The following ZFP37 variants were observed in gnomAD, a reference collection of about 807,000 sequenced individuals.
ZFP37 encodes zinc finger protein 37 homolog.
ZFP37 carries 38 observed loss-of-function variants against 52.1 expected under a neutral mutation model. The ratio of observed to expected loss-of-function variants is 0.73; its 90% CI spans 0.56 to 0.96. The LOEUF is 0.96. Among genes scored for constraint, ZFP37 ranks in the 40% least tolerant of loss-of-function variants. ZFP37 has a pLI of 0.00. For synonymous variants in ZFP37, 253 were observed against 259.5 expected (o/e 0.98, Z 0.24); for missense variants, 695 against 741.4 (o/e 0.94, Z 0.73).
chr9:113,046,305 G>C (rs1828954491), intron 3 of ZFP37, among the ~76,000 whole-genome samples: 1 of 151,090 alleles, frequency 6.6e-6, no homozygotes, highest in African/African-American at 2.4e-5. Flanking sequence ...AGGGAGTCTA[G>C]AGAAGTGCAG....
intron 2 of ZFP37, 28 bp from the exon 3 acceptor site, chr9:113,049,524 G>A (rs1829019315): frequency 6.2e-7 from 1 of 1,601,418 alleles, no homozygotes; most frequent in Non-Finnish European, 8.5e-7. Flanking sequence ...CAGAAACTGA[G>A]TGTTAGAACA....
Position 113,041,410 on chromosome 9 carries a change from C to G in ZFP37, c.*1315G>C, listed in dbSNP as rs534276478. 2 of 152,244 alleles carry G rather than the reference C, an allele frequency of 1.3e-5. No homozygotes were observed. Among genetic ancestry groups the G allele is most frequent in the East Asian group, 3.9e-4 (2 of 5,186 alleles). 9.4% of individuals were successfully genotyped at this position (152,244 alleles called of 1,614,324 possible). A position where few individuals can be genotyped will look rare whatever the true frequency, so the allele number is the denominator to read the frequency against. ...GTACAGTGATCCAGTAAATAATGCC[C>G]AATATTGAGCGAGAACAGGGAGGGG... On this transcript the variant is annotated 3_prime_UTR_variant, in exon 4 of 4. Coordinates refer to ENST00000374227, the MANE Select transcript of ZFP37 (RefSeq NM_003408.3).
rs1414705430 is a variant in ZFP37 at position 113,056,630 on chromosome 9, C to T, written c.59G>A (p.Arg20Lys). 6 of 1,613,846 alleles carry T rather than the reference C, an allele frequency of 3.7e-6. No individual in the cohort carries two copies. The highest frequency in any genetic ancestry group is 2.2e-5 in the South Asian group (2 of 91,070). The change falls in exon 1 of 4, where the codon AGA becomes AAA. Residue 20 changes from arginine (R) to lysine (K), a missense_variant. This residue lies in a region of ZFP37 where 369 missense variants were observed against 340.9 expected (regional missense o/e 1.08). Coordinates refer to ENST00000374227, the MANE Select transcript of ZFP37 (RefSeq NM_003408.3). Reference protein sequence around the residue: ...LTKPETVDRRRSAETTKEAGR... With the variant: ...LTKPETVDRRKSAETTKEAGR... ...GGCCTCTTTGGTCGTTTCCGCACTT[C>T]TCCTCCGGTCCACGGTCTCTGGCTT...
At chr9:113,053,345 T>C (rs1829090561) in intron 1 of ZFP37, among the ~76,000 whole-genome samples, 1 of 152,226 alleles carries the variant, frequency 6.6e-6, no homozygotes, top group Non-Finnish European at 1.5e-5. Context: ...TTAACTTCCT[T>C]GATTCTCTTC....
Position 113,042,794 on chromosome 9 carries a change from T to C in ZFP37, c.1824A>G (p.Lys608=). 6.2e-7 allele frequency: 1 copy of C among 1,610,388 alleles called. No homozygotes were observed. Among genetic ancestry groups the C allele is most frequent in the Non-Finnish European group, 8.5e-7 (1 of 1,178,324 alleles). The part of the protein sequence containing the change: ...EKPYECNECG[K]TFKQNASLTK... ...TTAGGGATGCATTTTGTTTGAAAGTTTTCCCACATTCATTACATTCATAGG... is the reference window on the plus strand; with the variant it reads ...TTAGGGATGCATTTTGTTTGAAAGTCTTCCCACATTCATTACATTCATAGG... Residue 608 remains lysine, a synonymous_variant, in exon 4 of 4, where the codon AAA becomes AAG. Coordinates refer to ENST00000374227, the MANE Select transcript of ZFP37 (RefSeq NM_003408.3).
intron 3 of ZFP37, among the ~76,000 whole-genome samples, chr9:113,046,212 CTATATATAGACATATATCTATA>C (rs1375219749): frequency 1.7e-5 from 1 of 59,068 alleles, no homozygotes; most frequent in Non-Finnish European, 3.2e-5. Flanking sequence ...AGATATATAT[CTATATATAGACATATATCTATA>C]TATATATAGA....
chr9:113,043,174 T>C lies in ZFP37; in HGVS notation c.1444A>G (p.Thr482Ala), dbSNP rs1828882842. 3 of 1,613,836 alleles carry C rather than the reference T, an allele frequency of 1.9e-6. No homozygotes were observed. The highest frequency in any genetic ancestry group is 2.5e-6 in the Non-Finnish European group (3 of 1,179,954). ...TTATAAGGTTTCTCCTTAGTATGAGTTCTTTGATGTATAATGAGGTGTGAC... is the reference window on the plus strand; with the variant it reads ...TTATAAGGTTTCTCCTTAGTATGAGCTCTTTGATGTATAATGAGGTGTGAC... ...KKSHLIIHQR[T>A]HTKEKPYKCN... The change falls in exon 4 of 4, where the codon ACT (threonine) becomes GCT (alanine). Residue 482 changes from threonine to alanine, a missense_variant. Transcript: ENST00000374227.
In ZFP37 at chr9:113,038,834, C is replaced by T. The variant is rs1383266881; in HGVS notation, c.*3891G>A. 1 of 151,972 alleles carries T rather than the reference C, an allele frequency of 6.6e-6. No homozygotes were observed. Among genetic ancestry groups the T allele is most frequent in the Non-Finnish European group, 1.5e-5 (1 of 67,964 alleles). 9.4% of individuals were successfully genotyped at this position (151,972 alleles called of 1,614,324 possible). A position where few individuals can be genotyped will look rare whatever the true frequency, so the allele number is the denominator to read the frequency against. On this transcript the variant is annotated 3_prime_UTR_variant, in exon 4 of 4. Coordinates refer to ENST00000374227, the MANE Select transcript of ZFP37 (RefSeq NM_003408.3). ...TTCAATTTCCTCAAGCCACCTGAAACTAGGTGTGGTCATGTGACTCATTTC... is the reference window on the plus strand; with the variant it reads ...TTCAATTTCCTCAAGCCACCTGAAATTAGGTGTGGTCATGTGACTCATTTC...
rs772365522 is a variant in ZFP37 at position 113,043,807 on chromosome 9, G to A, written c.811C>T (p.His271Tyr). 6.2e-7 allele frequency: 1 copy of A among 1,613,948 alleles called. No individual in the cohort carries two copies. The highest frequency in any genetic ancestry group is 8.5e-7 in the Non-Finnish European group (1 of 1,179,948). Reference protein sequence around the residue: ...KQDKIQTGEKHEKSPSLSSST... With the variant: ...KQDKIQTGEKYEKSPSLSSST... ...GAGCTAAGGCTGGGTGATTTCTCAT[G>A]TTTCTCTCCAGTTTGAATTTTGTCC... Residue 271 changes from histidine (H) to tyrosine (Y), a missense_variant, in exon 4 of 4, where the codon CAT becomes TAT. His to Tyr is a moderately conservative substitution (Grantham distance 83, BLOSUM62 2). Coordinates refer to ENST00000374227, the MANE Select transcript of ZFP37 (RefSeq NM_003408.3).
rs1828904340 is a variant in ZFP37 at position 113,043,903 on chromosome 9, A to G, written c.715T>C (p.Ser239Pro). 6.2e-7 allele frequency: 1 copy of G among 1,613,932 alleles called. No individual in the cohort carries two copies. ...KHEKLSSHSSSDKCNKTGKKH... is the reference protein window; with the variant it reads ...KHEKLSSHSSPDKCNKTGKKH... ...TTGCCAGTTTTGTTACACTTATCAGATGAGCTATGGCTGGATAATTTCTCA... is the reference window on the plus strand; with the variant it reads ...TTGCCAGTTTTGTTACACTTATCAGGTGAGCTATGGCTGGATAATTTCTCA... The change falls in exon 4 of 4, where the codon TCT becomes CCT. Residue 239 changes from serine (S) to proline (P), a missense_variant. By Grantham distance (74) the Ser-to-Pro change is moderately conservative (BLOSUM62 -1). Around this residue, in one of 2 missense-constraint regions of ZFP37, gnomAD observed 369 missense variants for 340.9 expected, o/e 1.08. Transcript: ENST00000374227.
At position 113,043,517 on chromosome 9, in the gene ZFP37, A is replaced by G. The variant is rs757169471; in HGVS notation, c.1101T>C (p.His367=). ...AHGHKHALTD[H]LRIHTGEKPY... ...GCTTTTCTCCAGTATGAATTCTTAG[A>G]TGGTCAGTGAGTGCATGTTTATGAC... Residue 367 remains histidine, a synonymous_variant, in exon 4 of 4, where the codon CAT becomes CAC. Transcript: ENST00000374227. The G allele has an allele frequency of 1.9e-6, 3 of 1,614,070 alleles. No individual in the cohort carries two copies. Among genetic ancestry groups the G allele is most frequent in the African/African-American group, 1.3e-5 (1 of 75,050 alleles).
In ZFP37 at chr9:113,043,409, C is replaced by T. The variant is rs770077416; in HGVS notation, c.1209G>A (p.Lys403=). The T allele has an allele frequency of 1.9e-6, 3 of 1,614,084 alleles. No individual in the cohort carries two copies. The highest frequency in any genetic ancestry group is 1.1e-5 in the South Asian group (1 of 91,086). ...IQHVRSHTGE[K]PYECKECGKS... is the part of the protein sequence containing the mutation. Reference sequence around the variant, plus strand: ...TCCCACATTCCTTACATTCATATGGCTTCTCACCTGTGTGAGATCTCACAT... The same window carrying T: ...TCCCACATTCCTTACATTCATATGGTTTCTCACCTGTGTGAGATCTCACAT... Residue 403 remains lysine (K), a synonymous_variant, in exon 4 of 4, where the codon AAG becomes AAA. Transcript: ENST00000374227.
intron 3 of ZFP37, among the ~76,000 whole-genome samples, chr9:113,044,859 G>A (rs1233863235): frequency 2.0e-5 from 3 of 151,884 alleles, no homozygotes; most frequent in Admixed American, 6.6e-5. Flanking sequence ...CAGAAAGCTC[G>A]TCAAGTCAAA....
At chr9:113,048,152 T>G (rs1828992153) in intron 3 of ZFP37, among the ~76,000 whole-genome samples, 1 of 152,198 alleles carries the variant, frequency 6.6e-6, no homozygotes, top group Non-Finnish European at 1.5e-5. Context: ...AAGTATGCAC[T>G]GAAAAGTAAG....
Position 113,043,693 on chromosome 9 carries a change from T to C in ZFP37, c.925A>G (p.Ile309Val). The change falls in exon 4 of 4, where the codon ATT becomes GTT. Residue 309 changes from isoleucine (I) to valine (V), a missense_variant. This residue lies in a region of ZFP37 where 326 missense variants were observed against 400.5 expected (regional missense o/e 0.81). Transcript: ENST00000374227. ...CCAGTATGAACTCTCTGATGGTCAA[T>C]GAGTCCTTGTTTATGGCTGAGAACC... ...GKVLSHKQGL[I>V]DHQRVHTGEK... The C allele has an allele frequency of 2.5e-6, 4 of 1,614,114 alleles. No homozygotes were observed. Among genetic ancestry groups the C allele is most frequent in the Non-Finnish European group, 2.5e-6 (3 of 1,179,972 alleles).
chr9:113,055,711 A>G (rs1473839251), intron 1 of ZFP37, among the ~76,000 whole-genome samples: 2 of 152,132 alleles, frequency 1.3e-5, no homozygotes, highest in African/African-American at 2.4e-5. Context: ...CCACAGAACA[A>G]TCATTAACCT....
rs138245465 is a variant in ZFP37 at position 113,042,986 on chromosome 9, C to T, written c.1632G>A (p.Pro544=). ...QHQRVHTGEK[P]YECNECGKAF... is the part of the protein sequence containing the mutation. ...CTTTCCCACATTCATTACACTCATA[C>T]GGTTTCTCTCCAGTATGAACTCTCT... The change falls in exon 4 of 4, where the codon CCG becomes CCA. Residue 544 remains proline (P), a synonymous_variant. Transcript: ENST00000374227. 1.5e-5 allele frequency: 25 copies of T among 1,613,294 alleles called. No homozygotes were observed. The highest frequency in any genetic ancestry group is 4.0e-5 in the African/African-American group (3 of 74,764).
chr9:113,042,146 C>G lies in ZFP37; in HGVS notation c.*579G>C, dbSNP rs72753775. The stretch of plus-strand genomic sequence containing the variant: ...TTCACAATATATCTTGAATATCGCT[C>G]CCTACCAGCACATTTGTATCCTCAG... On this transcript the variant is annotated 3_prime_UTR_variant, in exon 4 of 4. Transcript: ENST00000374227. 0.012 allele frequency: 1,834 copies of G among 152,346 alleles called. 14 individuals are homozygous for G. Among genetic ancestry groups the G allele is most frequent in the Non-Finnish European group, 0.02 (1,353 of 68,072 alleles). 9.4% of individuals were successfully genotyped at this position (152,346 alleles called of 1,614,324 possible).
intron 1 of ZFP37, among the ~76,000 whole-genome samples, chr9:113,054,816 T>G (rs1403568231): frequency 6.6e-6 from 1 of 152,182 alleles, no homozygotes; most frequent in African/African-American, 2.4e-5. Context: ...ACAACTCTAT[T>G]CTAAATCACC....
Sources: gnomAD v4.1 joint callset for allele counts (sites outside exome capture counted in the v4.1 genomes callset) on GRCh38, gnomAD v4.1.1 for gene constraint, gnomAD v4.1.1 regional missense constraint, MANE v1.5 for transcripts, NCBI Gene and HGNC (gene_info 2026-07-23, HGNC 2026-07-21) for gene names.